SCRG1: variants seen among roughly 807,000 people sequenced by gnomAD.
SCRG1 encodes stimulator of chondrogenesis 1, also known as scrapie-responsive protein 1.
A neutral mutation model predicts 7.7 loss-of-function variants in SCRG1; 3 were observed. The observed-to-expected ratio is 0.39, with a 90% CI of 0.18 to 1.01. SCRG1 has a LOEUF of 1.01. Ranked by LOEUF, SCRG1 falls within the 50% of genes least tolerant of loss-of-function variation. SCRG1 has a pLI of 0.36. For missense variants in SCRG1, 110 were observed against 117.2 expected (o/e 0.94, Z 0.28); for synonymous variants, 46 against 41.2 (o/e 1.12, Z -0.44).
At chr4:173,469,380 AT>A in the SCRG1 span, 2 of 152,144 alleles carry the variant, frequency 1.3e-5, no homozygotes, top group Non-Finnish European at 2.9e-5. Context: ...AGAATATTTA[AT>A]TTTTATGAAT....
the SCRG1 span, chr4:173,446,493 G>A: frequency 6.6e-6 from 1 of 152,168 alleles, no homozygotes; most frequent in South Asian, 2.1e-4. Context: ...ATATATATAT[G>A]TTTTGGTTTT....
At chr4:173,411,573 AT>A in the SCRG1 span, among the ~76,000 whole-genome samples, 1,027 of 152,312 alleles carry the variant, frequency 6.7e-3, 9 homozygotes, top group African/African-American at 0.023. Context: ...ATGGTGGCAT[AT>A]TTTAATAAAT....
the SCRG1 span, among the ~76,000 whole-genome samples, chr4:173,427,205 C>T: frequency 2.6e-5 from 4 of 152,192 alleles, no homozygotes; most frequent in East Asian, 1.9e-4. Context: ...CTGACTAATT[C>T]GTGAGCCCTG....
chr4:173,505,164 G>A, the SCRG1 span, among the ~76,000 whole-genome samples: 2,235 of 152,196 alleles, frequency 0.015, 23 homozygotes, highest in Non-Finnish European at 0.021. This position sits in a 1 kb window ranked among gnomAD's most constrained non-coding sequence, Gnocchi z 4.4. Context: ...AGACAATTAG[G>A]GCCTAGATGC....
the SCRG1 span, among the ~76,000 whole-genome samples, chr4:173,433,099 T>G: frequency 6.6e-6 from 1 of 152,268 alleles, no homozygotes; most frequent in African/African-American, 2.4e-5. Flanking sequence ...ATACATATTC[T>G]TTTCTCTTTT....
At chr4:173,459,713 G>A in the SCRG1 span, among the ~76,000 whole-genome samples, 1 of 152,138 alleles carries the variant, frequency 6.6e-6, no homozygotes, top group African/African-American at 2.4e-5. Context: ...GTTTATCTCA[G>A]GGAGGTAGAA....
the SCRG1 span, among the ~76,000 whole-genome samples, chr4:173,510,705 G>A: frequency 2.6e-5 from 4 of 152,150 alleles, no homozygotes; most frequent in Admixed American, 6.5e-5. This position sits in a 1 kb window ranked among gnomAD's most constrained non-coding sequence, Gnocchi z 5.7. Context: ...GCTCAGTGAC[G>A]TAGCGCGCCA....
chr4:173,466,720 C>T, the SCRG1 span, among the ~76,000 whole-genome samples: 1 of 152,154 alleles, frequency 6.6e-6, no homozygotes, highest in Admixed American at 6.5e-5. Flanking sequence ...TTTCAGCATT[C>T]AGCCATATAA....
chr4:173,450,109 C>G, the SCRG1 span, among the ~76,000 whole-genome samples: 1 of 152,148 alleles, frequency 6.6e-6, no homozygotes, highest in South Asian at 2.1e-4. Context: ...AGGAAACTTA[C>G]AGTCATGGTG....
At chr4:173,495,671 A>G in the SCRG1 span, among the ~76,000 whole-genome samples, 1 of 152,246 alleles carries the variant, frequency 6.6e-6, no homozygotes, top group Non-Finnish European at 1.5e-5. Flanking sequence ...AAACTGAAGC[A>G]TGGAACAATA....
At chr4:173,429,712 T>TCAA in the SCRG1 span, among the ~76,000 whole-genome samples, 1 of 152,200 alleles carries the variant, frequency 6.6e-6, no homozygotes, top group African/African-American at 2.4e-5. Context: ...TCTTTTCACT[T>TCAA]TGCCTAAGAA....
chr4:173,516,372 T>G, the SCRG1 span, among the ~76,000 whole-genome samples: 6 of 152,236 alleles, frequency 3.9e-5, no homozygotes, highest in African/African-American at 1.4e-4. Flanking sequence ...AGAGAAAATA[T>G]TTCAATAGGC....
At chr4:173,497,932 G>A in the SCRG1 span, among the ~76,000 whole-genome samples, 10 of 152,000 alleles carry the variant, frequency 6.6e-5, no homozygotes, top group African/African-American at 1.2e-4. Context: ...CACCCGCCTC[G>A]GCCTCCCAAA....
chr4:173,502,284 A>C, the SCRG1 span, among the ~76,000 whole-genome samples: 1 of 152,170 alleles, frequency 6.6e-6, no homozygotes, highest in Non-Finnish European at 1.5e-5. The surrounding 1 kb of genome is among the most constrained non-coding windows in gnomAD (Gnocchi z 4.6). Flanking sequence ...AATGGAAGAA[A>C]GGAAAATCAT....
chr4:173,434,405 T>C, the SCRG1 span, among the ~76,000 whole-genome samples: 4 of 152,198 alleles, frequency 2.6e-5, no homozygotes, highest in African/African-American at 4.8e-5. Context: ...TTGCCACAAC[T>C]GTAAACCACA....
At chr4:173,391,077 G>A (rs939095515) in intron 2 of SCRG1, 96 bp downstream of exon 2, 4 of 1,268,384 alleles carry the variant, frequency 3.2e-6, no homozygotes, top group South Asian at 2.6e-5. Context: ...TTTACTAAAA[G>A]GGTTATTAAT....
the SCRG1 span, among the ~76,000 whole-genome samples, chr4:173,491,526 A>T: frequency 6.6e-6 from 1 of 152,190 alleles, no homozygotes; most frequent in Non-Finnish European, 1.5e-5. Context: ...GACAAAAATT[A>T]CTTAAGTGGC....
At chr4:173,443,952 T>TGTGC in the SCRG1 span, among the ~76,000 whole-genome samples, 4 of 144,384 alleles carry the variant, frequency 2.8e-5, no homozygotes, top group East Asian at 8.0e-4. Context: ...TTTGTGTGTG[T>TGTGC]GTGTGTGTGT....
chr4:173,445,506 C>T, the SCRG1 span, among the ~76,000 whole-genome samples: 20 of 148,586 alleles, frequency 1.3e-4, no homozygotes, highest in African/African-American at 2.7e-4. Context: ...CGCTTGAACC[C>T]GGGAGGTGGA....
Sources: gnomAD v4.1 joint callset for allele counts (sites outside exome capture counted in the v4.1 genomes callset) on GRCh38, gnomAD v4.1.1 for gene constraint, Gnocchi (gnomAD v3.1) non-coding constraint, MANE v1.5 for transcripts, NCBI Gene and HGNC (gene_info 2026-07-23, HGNC 2026-07-21) for gene names.